ABLIM1: variants seen among roughly 807,000 people sequenced by gnomAD.
ABLIM1 encodes the protein actin binding LIM protein 1, also known as actin-binding LIM protein 1.
In ABLIM1, 40 loss-of-function variants were observed where a neutral mutation model predicts 107.0. That is an observed-to-expected ratio of 0.37 (90% CI 0.29 to 0.49). The LOEUF (loss-of-function observed/expected upper bound fraction) is 0.49. ABLIM1 is among the 20% of genes least tolerant of loss of function. The pLI, the probability that ABLIM1 is intolerant of heterozygous loss-of-function variation, is 0.97. For synonymous variants in ABLIM1, 357 were observed against 357.3 expected (o/e 1.00, Z 0.01); for missense variants, 857 against 1,008.5 (o/e 0.85, Z 2.04).
intron 18 of ABLIM1, among the ~76,000 whole-genome samples, chr10:114,441,497 A>G (rs989516932): frequency 7.2e-5 from 11 of 152,338 alleles, no homozygotes; most frequent in African/African-American, 2.4e-4. Flanking sequence ...ATAATCATAC[A>G]CAAGCCATTC....
At chr10:114,798,424 A>C in the ABLIM1 span, among the ~76,000 whole-genome samples, 1 of 143,002 alleles carries the variant, frequency 7.0e-6, no homozygotes, top group Non-Finnish European at 1.5e-5. Context: ...ACTCTGTTTT[A>C]AAAAAAAAAA....
chr10:114,545,119 C>T (rs551249817), intron 5 of ABLIM1, 21 bp from the exon 6 acceptor site: 16 of 1,612,488 alleles, frequency 9.9e-6, no homozygotes, highest in African/African-American at 1.3e-5. Flanking sequence ...AAAACGTGTT[C>T]GGCTCCTGAG....
In ABLIM1 at chr10:114,552,756, G is replaced by C. The variant is rs184597657; in HGVS notation, c.674-4980C>G. On this transcript the variant is annotated intron_variant, in intron 4 of 22. Coordinates refer to ENST00000533213, the MANE Select transcript of ABLIM1 (RefSeq NM_002313.7). ...TTAGCATAGGGCTATGGACACTTGG[G>C]CTGCAAAAGTAAGTTGAAGAAGGGG... Among the ~76,000 whole-genome samples, 541 of 152,270 alleles carry C rather than the reference G, an allele frequency of 3.6e-3. 1 individual carries two copies. The highest frequency in any genetic ancestry group is 0.013 in the African/African-American group (526 of 41,560).
chr10:114,565,854 G>T (rs2070649823), intron 4 of ABLIM1, among the ~76,000 whole-genome samples: 2 of 137,782 alleles, frequency 1.5e-5, no homozygotes, highest in Admixed American at 1.5e-4. Context: ...GAGTGCAGTG[G>T]TGTGATCTCG....
Position 114,575,401 on chromosome 10 carries a change from G to T in ABLIM1, c.563+15C>A. On this transcript the variant is annotated intron_variant, in intron 3 of 22. Transcript: ENST00000533213. The stretch of plus-strand genomic sequence containing the variant: ...TGGAGGAAGGTGTAGGCTTTGGAAA[G>T]ATAGGCTCACTTACTTGCAGATAGT... 6.2e-7 allele frequency: 1 copy of T among 1,611,848 alleles called. No individual in the cohort carries two copies. The highest frequency in any genetic ancestry group is 2.2e-5 in the East Asian group (1 of 44,878).
the ABLIM1 span, among the ~76,000 whole-genome samples, chr10:114,774,887 G>A: frequency 7.9e-5 from 12 of 152,250 alleles, no homozygotes; most frequent in East Asian, 2.3e-3. Context: ...AGTACTAGAT[G>A]TCCAAAGATG....
At chr10:114,583,466 CACATATATATATATATATATATAT>C (rs1324122986) in intron 2 of ABLIM1, among the ~76,000 whole-genome samples, 164 of 7,026 alleles carry the variant, frequency 0.023, 1 homozygote, top group Middle Eastern at 0.062. Context: ...CACACACACA[CACATATATATATATATATATATAT>C]ATATATATAT....
In ABLIM1 at chr10:114,468,325, A is replaced by T. The variant is rs1163820767; in HGVS notation, c.1276-109T>A. The T allele has an allele frequency of 3.8e-6, 4 of 1,050,510 alleles. No homozygotes were observed. In the Admixed American group the frequency reaches 7.1e-5, roughly 19 times the overall value. 65.1% of individuals were successfully genotyped at this position (1,050,510 alleles called of 1,614,324 possible). ...AGTCTCGCTCTGTCGCCCAGGCTGGAGTGCAGTGGCGCAATCTCGGTTTAC... is the reference window on the plus strand; with the variant it reads ...AGTCTCGCTCTGTCGCCCAGGCTGGTGTGCAGTGGCGCAATCTCGGTTTAC... On this transcript the variant is annotated intron_variant, in intron 10 of 22. Coordinates refer to ENST00000533213, the MANE Select transcript of ABLIM1 (RefSeq NM_002313.7).
chr10:114,569,305 CCT>C (rs539614393), intron 4 of ABLIM1, among the ~76,000 whole-genome samples: 1 of 151,834 alleles, frequency 6.6e-6, no homozygotes, highest in Non-Finnish European at 1.5e-5. Flanking sequence ...ATCATAAAAG[CCT>C]CTTTTTCTTT....
In ABLIM1 at chr10:114,623,583, C is replaced by T. The variant is rs115529914; in HGVS notation, c.245-21622G>A. The stretch of plus-strand genomic sequence containing the variant: ...GGGCTGGTCATTTTACCCACAGAAA[C>T]GACAGATTACCTGCACAGTGTCAAA... On this transcript the variant is annotated intron_variant, in intron 1 of 22. Coordinates refer to ENST00000533213, the MANE Select transcript of ABLIM1 (RefSeq NM_002313.7). Among the ~76,000 whole-genome samples the T allele has an allele frequency of 2.5e-3, 388 of 152,296 alleles. 5 individuals carry two copies. The highest frequency in any genetic ancestry group is 8.7e-3 in the African/African-American group (362 of 41,560).
At chr10:114,579,519 G>A (rs777319450) in intron 2 of ABLIM1, among the ~76,000 whole-genome samples, 4 of 152,144 alleles carry the variant, frequency 2.6e-5, no homozygotes, top group Non-Finnish European at 5.9e-5. Flanking sequence ...GGAGGGTAAA[G>A]AATTATTAAT....
intron 4 of ABLIM1, among the ~76,000 whole-genome samples, chr10:114,555,116 A>G (rs1173302917): frequency 6.6e-6 from 1 of 152,186 alleles, no homozygotes; most frequent in African/African-American, 2.4e-5. Flanking sequence ...AACATTGTAA[A>G]TGGCCCACTG....
intron 7 of ABLIM1, 73 bp downstream of exon 7, chr10:114,491,718 C>T (rs2135112228): frequency 2.1e-6 from 3 of 1,436,432 alleles, no homozygotes; most frequent in East Asian, 4.6e-5. Context: ...TCTCTAAAAA[C>T]AATCAAACAA....
rs1450416822 is a variant in ABLIM1 at position 114,707,951 on chromosome 10, A to C, written c.-213+60110T>G. Among the ~76,000 whole-genome samples the C allele has an allele frequency of 6.6e-5, 10 of 152,072 alleles. No individual in the cohort carries two copies. Among genetic ancestry groups the C allele is most frequent in the Non-Finnish European group, 1.3e-4 (9 of 67,994 alleles). On this transcript the variant is annotated intron_variant, in intron 1 of 15. Coordinates refer to the ABLIM1 transcript ENST00000651092. This position sits in a 1 kb window ranked among gnomAD's most constrained non-coding sequence, Gnocchi z 4.1. ...AACAACAACAAAAAACCTAATTACCAACAGTTTTCAATTTTGTACTAAGCC... is the reference window on the plus strand; with the variant it reads ...AACAACAACAAAAAACCTAATTACCCACAGTTTTCAATTTTGTACTAAGCC...
At chr10:114,778,836 A>C in the ABLIM1 span, 1 of 152,152 alleles carries the variant, frequency 6.6e-6, no homozygotes, top group African/African-American at 2.4e-5. Flanking sequence ...CCGTGTTAAA[A>C]AGATTTGTTT....
intron 12 of ABLIM1, among the ~76,000 whole-genome samples, chr10:114,456,474 C>T (rs559010813): frequency 6.6e-6 from 1 of 152,256 alleles, no homozygotes; most frequent in East Asian, 1.9e-4. Context: ...TGGGTCTCAA[C>T]TTTTACTACT....
intron 1 of ABLIM1, among the ~76,000 whole-genome samples, chr10:114,738,728 C>T (rs1013861267): frequency 6.6e-6 from 1 of 151,850 alleles, no homozygotes; most frequent in Non-Finnish European, 1.5e-5. Context: ...AAAATGGCAG[C>T]TTCATTCATA....
chr10:114,647,119 C>T (rs1251303653), intron 1 of ABLIM1, among the ~76,000 whole-genome samples: 1 of 152,170 alleles, frequency 6.6e-6, no homozygotes, highest in Admixed American at 6.5e-5. Flanking sequence ...CCTCAGCCTC[C>T]CAAGTAGTTG....
chr10:114,438,348 C>G (rs917889485), intron 21 of ABLIM1, among the ~76,000 whole-genome samples: 1 of 152,176 alleles, frequency 6.6e-6, no homozygotes, highest in Non-Finnish European at 1.5e-5. Context: ...TAGCCTCAAC[C>G]TATCAGGCCC....
Sources: allele counts gnomAD v4.1 joint callset (sites outside exome capture counted in the v4.1 genomes callset), GRCh38; gene constraint gnomAD v4.1.1; non-coding constraint Gnocchi (gnomAD v3.1); transcripts MANE v1.5; gene names NCBI Gene and HGNC (gene_info 2026-07-23, HGNC 2026-07-21).